Variants in PITPNC1 observed in about 807,000 individuals in gnomAD.
The protein encoded by PITPNC1 is phosphatidylinositol transfer protein cytoplasmic 1, also known as cytoplasmic phosphatidylinositol transfer protein 1.
Under a neutral mutation model 44.7 loss-of-function variants are expected in PITPNC1, and 18 were observed. The ratio of observed to expected loss-of-function variants is 0.40; its 90% confidence interval spans 0.28 to 0.60. The LOEUF (loss-of-function observed/expected upper bound fraction) is 0.60, where lower values mean the gene tolerates loss of function less well. PITPNC1 is among the 20% of genes least tolerant of loss of function. The pLI, the probability that PITPNC1 is intolerant of heterozygous loss-of-function variation, is 0.39. For missense variants in PITPNC1, 290 were observed against 418.4 expected, an observed-to-expected ratio of 0.69 and a Z score of 2.68; for synonymous variants, 141 against 149.6, an observed-to-expected ratio of 0.94 and a Z score of 0.42.
At position 67,445,052 on chromosome 17, in the gene PITPNC1, G is replaced by A. The variant is rs1162703320; in HGVS notation, c.48+66850G>A. Among the ~76,000 whole-genome samples the A allele has an allele frequency of 2.6e-5, 4 of 151,898 alleles. No individual in the cohort carries two copies. In the East Asian group the frequency reaches 7.7e-4, roughly 29 times the overall value. On this transcript the variant is annotated intron_variant, in intron 1 of 8. Transcript: ENST00000581322. ...AGATGGGGAAGTGTGGATGATTTTA[G>A]GGAGGTAACAGATGATTTTTAGGGG...
chr17:67,641,182 A>G (rs1463333099), intron 6 of PITPNC1, among the ~76,000 whole-genome samples: 1 of 152,160 alleles, frequency 6.6e-6, no homozygotes, highest in East Asian at 1.9e-4. Context: ...TACAGCAGAG[A>G]TGGAATCTGA....
intron 5 of PITPNC1, among the ~76,000 whole-genome samples, chr17:67,622,059 G>A (rs2041836444): frequency 6.6e-6 from 1 of 152,110 alleles, no homozygotes; most frequent in African/African-American, 2.4e-5. Flanking sequence ...CACGAGGTCA[G>A]GAGATCGAGA....
chr17:67,541,591 A>T (rs76297557), intron 2 of PITPNC1, among the ~76,000 whole-genome samples: 3,143 of 152,330 alleles, frequency 0.021, 52 homozygotes, highest in South Asian at 0.049. Flanking sequence ...TGTACTTGAT[A>T]ATCTTGCCCA....
At chr17:67,679,508 T>C (rs573507671) in intron 8 of PITPNC1, among the ~76,000 whole-genome samples, 4 of 152,320 alleles carry the variant, frequency 2.6e-5, no homozygotes, top group African/African-American at 9.6e-5. Flanking sequence ...GATGTCTTTC[T>C]CTCTAATTAG....
rs115618232 is a variant in PITPNC1, at chr17:67,559,751, G to T, written c.294+6134G>T. 2.7e-3 allele frequency among the ~76,000 whole-genome samples: 411 copies of T among 152,304 alleles called. 2 individuals carry two copies. Among genetic ancestry groups the T allele is most frequent in the African/African-American group, 9.7e-3 (403 of 41,558 alleles). Reference sequence around the variant, plus strand: ...AAAATACAAACATTAGCTGTGCATGGTGACGCATGCCTGTAATCCCAGCTC... The same window carrying T: ...AAAATACAAACATTAGCTGTGCATGTTGACGCATGCCTGTAATCCCAGCTC... On this transcript the variant is annotated intron_variant, in intron 4 of 8. Transcript: ENST00000581322.
At chr17:67,393,549 C>T (rs369502095) in intron 1 of PITPNC1, among the ~76,000 whole-genome samples, 21 of 152,260 alleles carry the variant, frequency 1.4e-4, no homozygotes, top group South Asian at 8.3e-4. Flanking sequence ...ACAACATGGA[C>T]GCATATCTGT....
intron 1 of PITPNC1, among the ~76,000 whole-genome samples, chr17:67,402,500 A>G (rs920240000): frequency 7.5e-6 from 1 of 132,804 alleles, no homozygotes. Flanking sequence ...TCCACCCCCC[A>G]TCCCCCGCCC....
At chr17:67,486,499 G>A (rs2039779982) in intron 1 of PITPNC1, among the ~76,000 whole-genome samples, 1 of 152,158 alleles carries the variant, frequency 6.6e-6, no homozygotes. Context: ...GGAGATGGTA[G>A]CAAAGTACAG....
Position 67,408,676 on chromosome 17 carries a change from TTCTTC to T in PITPNC1, c.48+30475_48+30479del, listed in dbSNP as rs2038437709. The T allele has an allele frequency of 6.2e-5, 3 of 48,080 alleles. No homozygotes were observed. The Admixed American group carries it at 7.2e-4, about 12-fold the overall frequency. 3.0% of individuals were successfully genotyped at this position (48,080 alleles called of 1,614,324 possible). ...CCCTCCCTCCTTGCTTGCTTTCTCT[TTCTTC>T]CTTCCTTCCTTCCTTCCTTCCTTCC... On this transcript the variant is annotated intron_variant, in intron 1 of 8. Transcript: ENST00000581322.
At chr17:67,538,314 C>A (rs905791834) in intron 2 of PITPNC1, among the ~76,000 whole-genome samples, 1 of 152,126 alleles carries the variant, frequency 6.6e-6, no homozygotes, top group Non-Finnish European at 1.5e-5. Flanking sequence ...CAAATAAACT[C>A]CATGGCTGGG....
chr17:67,378,082 C>A lies in PITPNC1; in HGVS notation c.-73C>A. On this transcript the variant is annotated 5_prime_UTR_variant, in exon 1 of 9. Transcript: ENST00000581322. ...CGGGCTCCGGGCGCCCTGCCCTGCG[C>A]CTGGGCAGCAGCCTTGCTGGTCTTG... The A allele has an allele frequency of 9.2e-7, 1 of 1,087,118 alleles. No homozygotes were observed. The highest frequency in any genetic ancestry group is 1.3e-6 in the Non-Finnish European group (1 of 783,044). The allele number at this position is 1,087,118 out of a possible 1,614,324, so 67.3% of individuals were successfully genotyped here.
intron 1 of PITPNC1, among the ~76,000 whole-genome samples, chr17:67,440,815 T>C (rs2039002346): frequency 6.6e-6 from 1 of 152,018 alleles, no homozygotes; most frequent in African/African-American, 2.4e-5. Context: ...CCCAAAGTGC[T>C]AGGATTACAG....
At chr17:67,459,511 T>A (rs2039306257) in intron 1 of PITPNC1, 1 of 152,250 alleles carries the variant, frequency 6.6e-6, no homozygotes, top group Admixed American at 6.5e-5. Context: ...GTCTGGAAGT[T>A]ACTAGAACAA....
chr17:67,429,095 C>G (rs932281592), intron 1 of PITPNC1, among the ~76,000 whole-genome samples: 31 of 152,212 alleles, frequency 2.0e-4, no homozygotes, highest in Non-Finnish European at 3.7e-4. Context: ...CCTGCCTTGG[C>G]CTCCCAAAGT....
At chr17:67,675,582 ATGT>A in intron 8 of PITPNC1, 40 bp downstream of exon 8, 1 of 1,385,752 alleles carries the variant, frequency 7.2e-7, no homozygotes, top group South Asian at 1.2e-5. Context: ...GAACAACTTC[ATGT>A]TGTCTCGGGC....
At chr17:67,387,144 G>T (rs1275814735) in intron 1 of PITPNC1, among the ~76,000 whole-genome samples, 1 of 152,242 alleles carries the variant, frequency 6.6e-6, no homozygotes, top group African/African-American at 2.4e-5. Flanking sequence ...TCGCAGGGCT[G>T]CACACCGCCA....
chr17:67,434,037 G>C (rs543228595), intron 1 of PITPNC1, among the ~76,000 whole-genome samples: 2 of 152,154 alleles, frequency 1.3e-5, no homozygotes, highest in East Asian at 3.8e-4. Flanking sequence ...GGCTTAGAAC[G>C]GGACCTGGTT....
Position 67,574,769 on chromosome 17 carries a change from G to A in PITPNC1, c.295-3417G>A, listed in dbSNP as rs114931389. Among the ~76,000 whole-genome samples, 4 of 152,058 alleles carry A rather than the reference G, an allele frequency of 2.6e-5. No homozygotes were observed. The South Asian group carries it at 8.3e-4, about 32-fold the overall frequency. On this transcript the variant is annotated intron_variant, in intron 4 of 8. Transcript: ENST00000581322. ...CCGCACACCCCAGGACTCTGAGAACGAGTCATCAGACATCCCAAGGGGATT... is the reference window on the plus strand; with the variant it reads ...CCGCACACCCCAGGACTCTGAGAACAAGTCATCAGACATCCCAAGGGGATT...
intron 6 of PITPNC1, among the ~76,000 whole-genome samples, chr17:67,668,768 A>C (rs1193275231): frequency 6.7e-6 from 1 of 149,328 alleles, no homozygotes; most frequent in East Asian, 2.0e-4. Flanking sequence ...AGGCTAAGAC[A>C]GGAGAATGGC....
Sources: allele counts gnomAD v4.1 joint callset (sites outside exome capture counted in the v4.1 genomes callset), GRCh38; gene constraint gnomAD v4.1.1; transcripts MANE v1.5; gene names NCBI Gene and HGNC (gene_info 2026-07-23, HGNC 2026-07-21).